PNPLA7: variants seen among roughly 807,000 people sequenced by gnomAD.
The protein encoded by PNPLA7 is patatin-like phospholipase domain-containing protein 7.
Under a neutral mutation model 161.7 loss-of-function variants are expected in PNPLA7, and 153 were observed. The observed-to-expected ratio is 0.95, with a 90% CI of 0.83 to 1.08. The LOEUF (loss-of-function observed/expected upper bound fraction) is 1.08. Ranked by LOEUF, PNPLA7 falls within the 50% of genes least tolerant of loss-of-function variation. The probability of loss-of-function intolerance (pLI) is 0.00; values close to 1 mark genes in which losing one functional copy is unlikely to be tolerated. For synonymous variants in PNPLA7, 809 were observed against 782.1 expected (o/e 1.03, Z -0.57); for missense variants, 1,739 against 1,856.6 (o/e 0.94, Z 1.16).
intron 25 of PNPLA7, among the ~76,000 whole-genome samples, chr9:137,477,069 C>T (rs143939724): frequency 9.5e-4 from 145 of 152,356 alleles, no homozygotes; most frequent in African/African-American, 3.3e-3. Context: ...GGCCCCACCC[C>T]AGAAGGCAGC....
intron 12 of PNPLA7, among the ~76,000 whole-genome samples, chr9:137,506,698 CA>C (rs1833942391): frequency 6.6e-6 from 1 of 152,206 alleles, no homozygotes; most frequent in Non-Finnish European, 1.5e-5. Context: ...CGGGATGAAG[CA>C]GTGTGCACCC....
chr9:137,507,458 T>C (rs1279857122), intron 12 of PNPLA7, among the ~76,000 whole-genome samples: 2 of 152,092 alleles, frequency 1.3e-5, no homozygotes, highest in Non-Finnish European at 2.9e-5. Flanking sequence ...TCGCCTAAGG[T>C]TGGGGGTTCG....
Position 137,480,972 on chromosome 9 carries a change from G to C in PNPLA7, c.2399C>G (p.Ala800Gly), listed in dbSNP as rs761625334. 4 of 1,551,480 alleles carry C rather than the reference G, an allele frequency of 2.6e-6. No homozygotes were observed. The highest frequency in any genetic ancestry group is 3.5e-6 in the Non-Finnish European group (4 of 1,146,952). Residue 800 changes from alanine (A) to glycine (G), a missense_variant, in exon 22 of 35, where the codon GCT (alanine) becomes GGT (glycine). Ala to Gly is a moderately conservative substitution (Grantham distance 60, BLOSUM62 0). Coordinates refer to ENST00000406427, the MANE Select transcript of PNPLA7 (RefSeq NM_001098537.3). ...SDNIKRRLGS[A>G]ALDSVHEYRL... ...TGGCGGCACGCACCTGTCCAGGGCAGCGGAGCCAAGGCGCCGTTTTATGTT... is the reference window on the plus strand; with the variant it reads ...TGGCGGCACGCACCTGTCCAGGGCACCGGAGCCAAGGCGCCGTTTTATGTT...
intron 11 of PNPLA7, among the ~76,000 whole-genome samples, chr9:137,518,750 C>T (rs1188938268): frequency 1.8e-4 from 11 of 61,086 alleles, no homozygotes; most frequent in African/African-American, 2.5e-4. Context: ...ACTCCATCCC[C>T]CACTCACTCA....
At chr9:137,529,397 CTTG>C (rs1281698387) in intron 8 of PNPLA7, among the ~76,000 whole-genome samples, 2 of 152,150 alleles carry the variant, frequency 1.3e-5, no homozygotes, top group Non-Finnish European at 2.9e-5. Context: ...GACAGTCTGT[CTTG>C]TTGTTGTATT....
Position 137,540,651 on chromosome 9 carries a change from G to A in PNPLA7, c.738C>T (p.Asp246=). ...DSVHSLLSIL[D]IITGHAAPYK... ...GCAGCGGGGGACTCACGGTGATGAT[G>A]TCCAGGATGCTGAGCAGGCTGTGGA... is the stretch of plus-strand genomic sequence containing the variant. Residue 246 remains aspartate (D), a synonymous_variant, in exon 8 of 35, where the codon GAC becomes GAT. Coordinates refer to ENST00000406427, the MANE Select transcript of PNPLA7 (RefSeq NM_001098537.3). This position sits in a 1 kb window ranked among gnomAD's most constrained non-coding sequence, Gnocchi z 5.1. 6.2e-7 allele frequency: 1 copy of A among 1,611,560 alleles called. No individual in the cohort carries two copies. The highest frequency in any genetic ancestry group is 8.5e-7 in the Non-Finnish European group (1 of 1,179,282).
rs111335285 is a variant in PNPLA7, at chr9:137,467,293, T to C, written c.3039+24A>G. 4,673 of 1,600,566 alleles carry C rather than the reference T, an allele frequency of 2.9e-3. 80 individuals are homozygous for C. The African/African-American group carries it at 0.041, about 14-fold the overall frequency. On this transcript the variant is annotated intron_variant, in intron 26 of 34. Transcript: ENST00000406427. This position sits in a 1 kb window ranked among gnomAD's most constrained non-coding sequence, Gnocchi z 5.1. The stretch of plus-strand genomic sequence containing the variant: ...CAAGGACCTGGGGGCTGTGCTCCGG[T>C]GAGGGTGATGGGTGCCTGCTTACCT...
intron 11 of PNPLA7, among the ~76,000 whole-genome samples, chr9:137,516,815 C>G (rs1834598431): frequency 6.6e-6 from 1 of 150,712 alleles, no homozygotes; most frequent in African/African-American, 2.4e-5. Context: ...AAAACCCTGT[C>G]TCAATAGTAA....
At position 137,463,397 on chromosome 9, in the gene PNPLA7, G is replaced by A. The variant is rs762674987; in HGVS notation, c.3343+18C>T. 4 of 1,587,376 alleles carry A rather than the reference G, an allele frequency of 2.5e-6. No homozygotes were observed. Among genetic ancestry groups the A allele is most frequent in the East Asian group, 4.6e-5 (2 of 43,834 alleles). On this transcript the variant is annotated intron_variant, in intron 29 of 34. Transcript: ENST00000406427. Reference sequence around the variant, plus strand: ...GGAGCCTGTGCTCCTGCCGGGCGTGGTCCCCCCACCGCAGTACCTGGGAGG... The same window carrying A: ...GGAGCCTGTGCTCCTGCCGGGCGTGATCCCCCCACCGCAGTACCTGGGAGG...
rs541970281 is a variant in PNPLA7, at chr9:137,528,529, G to A, written c.748-5672C>T. The stretch of plus-strand genomic sequence containing the variant: ...ACTTCTGACCTCAAGTGATGCACCC[G>A]CCTCGGCCTCCCAAAGTGCTGGGAT... On this transcript the variant is annotated intron_variant, in intron 8 of 34. Coordinates refer to ENST00000406427, the MANE Select transcript of PNPLA7 (RefSeq NM_001098537.3). Among the ~76,000 whole-genome samples, 18 of 152,148 alleles carry A rather than the reference G, an allele frequency of 1.2e-4. No individual in the cohort carries two copies. In the East Asian group the frequency reaches 2.1e-3, roughly 18 times the overall value.
chr9:137,503,881 A>AGAAGGAAGAAGAAGAAG (rs1833714316), intron 14 of PNPLA7, among the ~76,000 whole-genome samples: 1 of 12,056 alleles, frequency 8.3e-5, no homozygotes, highest in South Asian at 3.4e-3. Context: ...GGAAGAAGAA[A>AGAAGGAAGAAGAAGAAG]GAAGAAGGAA....
At chr9:137,522,329 C>T (rs1010884640) in intron 9 of PNPLA7, among the ~76,000 whole-genome samples, 85 of 151,594 alleles carry the variant, frequency 5.6e-4, no homozygotes, top group Non-Finnish European at 9.1e-4. Flanking sequence ...CCACCTCGGC[C>T]TCCCACAGTG....
At chr9:137,462,416 G>C (rs1831257967) in intron 30 of PNPLA7, 85 bp from the exon 31 acceptor site, 1 of 1,514,294 alleles carries the variant, frequency 6.6e-7, no homozygotes, top group Non-Finnish European at 8.8e-7. Flanking sequence ...AGGTTCTGGG[G>C]ACCCATCCTC....
Position 137,478,121 on chromosome 9 carries a change from G to A in PNPLA7, c.2795C>T (p.Pro932Leu). 1 of 1,350,800 alleles carries A rather than the reference G, an allele frequency of 7.4e-7. No homozygotes were observed. Among genetic ancestry groups the A allele is most frequent in the South Asian group, 1.9e-5 (1 of 52,270 alleles). The allele number at this position is 1,350,800 out of a possible 1,614,324, so 83.7% of individuals were successfully genotyped here. ...VEMYKHVFQR[P>L]PDRHSDFSRL... ...GGAGAAGTCTGAGTGTCGGTCCGGG[G>A]GCCGCTGGAAGACATGCTTGTACAT... is the stretch of plus-strand genomic sequence containing the variant. Residue 932 changes from proline to leucine, a missense_variant, in exon 25 of 35, where the codon CCC becomes CTC. Pro to Leu is a moderately conservative substitution (Grantham distance 98). Around this residue, in one of 6 missense-constraint regions of PNPLA7, gnomAD observed 703 missense variants for 694.6 expected, o/e 1.01. Coordinates refer to ENST00000406427, the MANE Select transcript of PNPLA7 (RefSeq NM_001098537.3).
At chr9:137,507,314 T>C (rs1833977687) in intron 12 of PNPLA7, among the ~76,000 whole-genome samples, 1 of 152,226 alleles carries the variant, frequency 6.6e-6, no homozygotes, top group African/African-American at 2.4e-5. Context: ...CAGCAGCCCC[T>C]TTACCTGGCT....
Position 137,497,180 on chromosome 9 carries a change from C to CAGTGA in PNPLA7, c.2013+6_2013+7insTCACT. 6.4e-7 allele frequency: 1 copy of CAGTGA among 1,568,140 alleles called. No individual in the cohort carries two copies. The highest frequency in any genetic ancestry group is 8.6e-7 in the Non-Finnish European group (1 of 1,158,638). On this transcript the variant is annotated splice_region_variant and intron_variant, in intron 18 of 34. Coordinates refer to ENST00000406427, the MANE Select transcript of PNPLA7 (RefSeq NM_001098537.3). The stretch of plus-strand genomic sequence containing the variant: ...TGGGGGAGGCAGGAGCAGGGCCCAG[C>CAGTGA]ACCTACCACGCCGACGAGGTCTCCT...
intron 24 of PNPLA7, chr9:137,478,377 G>C (rs1832041504): frequency 2.6e-6 from 1 of 384,048 alleles, no homozygotes; most frequent in East Asian, 3.8e-5. Flanking sequence ...CTGGCAGAGG[G>C]TACGTGGGCA....
chr9:137,492,122 G>A (rs1398440377), intron 20 of PNPLA7: 1 of 985,220 alleles, frequency 1.0e-6, no homozygotes, highest in Non-Finnish European at 1.2e-6. Flanking sequence ...TGGTGAGAGA[G>A]GACAGCCTGA....
At chr9:137,549,023 T>C (rs1836697733) in intron 1 of PNPLA7, among the ~76,000 whole-genome samples, 1 of 152,218 alleles carries the variant, frequency 6.6e-6, no homozygotes, top group East Asian at 1.9e-4. Context: ...CTGGGACCGA[T>C]TATCCAAGGA....
Sources: gnomAD v4.1 joint callset for allele counts (sites outside exome capture counted in the v4.1 genomes callset) on GRCh38, gnomAD v4.1.1 for gene constraint, gnomAD v4.1.1 regional missense constraint, Gnocchi (gnomAD v3.1) non-coding constraint, MANE v1.5 for transcripts, NCBI Gene and HGNC (gene_info 2026-07-23, HGNC 2026-07-21) for gene names.